PTPA: variants seen among roughly 807,000 people sequenced by gnomAD.
The protein encoded by PTPA is serine/threonine-protein phosphatase 2A activator.
Under a neutral mutation model 43.6 loss-of-function variants are expected in PTPA, and 13 were observed. That is an observed-to-expected ratio of 0.30 (90% CI 0.19 to 0.47). The LOEUF is 0.47. Among genes scored for constraint, PTPA ranks in the 20% least tolerant of loss-of-function variants. The pLI, the probability that PTPA is intolerant of heterozygous loss-of-function variation, is 0.99. For synonymous variants in PTPA, 172 were observed against 158.2 expected, an observed-to-expected ratio of 1.09 and a Z score of -0.66; for missense variants, 329 against 411.9, an observed-to-expected ratio of 0.80 and a Z score of 1.74.
At chr9:129,112,104 C>G (rs1410036418) in intron 1 of PTPA, among the ~76,000 whole-genome samples, 1 of 152,160 alleles carries the variant, frequency 6.6e-6, no homozygotes, top group Non-Finnish European at 1.5e-5. Context: ...CCGCGTCCTG[C>G]TCACCCCTCA....
In PTPA at chr9:129,142,481, C is replaced by T. The variant is rs1211530963; in HGVS notation, c.823C>T (p.Leu275=). 3 of 1,607,356 alleles carry T rather than the reference C, an allele frequency of 1.9e-6. No individual in the cohort carries two copies. The highest frequency in any genetic ancestry group is 1.3e-5 in the African/African-American group (1 of 74,872). The change falls in exon 9 of 10, where the codon CTG becomes TTG. Residue 275 remains leucine (L), a synonymous_variant. Coordinates refer to ENST00000393370, the MANE Select transcript of PTPA (RefSeq NM_178000.3). The part of the protein sequence containing the change: ...TGPFAEHSNQ[L]WNISAVPSWS... ...CCCATTTGCAGAGCACTCCAACCAG[C>T]TGTGGAACATCAGCGCCGTCCCTTC...
chr9:129,111,174 G>A, upstream of PTPA: 2 of 1,152,104 alleles, frequency 1.7e-6, no homozygotes, highest in Non-Finnish European at 1.2e-6. Flanking sequence ...AAGATGACAG[G>A]TGGTACTCCG....
At chr9:129,129,581 T>C (rs1443671924) in intron 4 of PTPA, among the ~76,000 whole-genome samples, 2 of 152,072 alleles carry the variant, frequency 1.3e-5, no homozygotes, top group African/African-American at 4.8e-5. Flanking sequence ...GCCATTCTCC[T>C]GCCTCAGCCT....
intron 8 of PTPA, 172 bp from the exon 9 acceptor site, chr9:129,142,273 G>T (rs891870053): frequency 7.6e-6 from 4 of 526,670 alleles, no homozygotes; most frequent in African/African-American, 5.8e-5. Flanking sequence ...TTGTATGTTT[G>T]CCCCTCAGGC....
chr9:129,111,486 C>G lies in PTPA; in HGVS notation c.-115C>G, dbSNP rs917245457. On this transcript the variant is annotated 5_prime_UTR_variant, in exon 1 of 10. Transcript: ENST00000393370. ...TTCGGTTATAGCCGGCCGGCGCTCACTTGTCTTCAGGAAGCTCGGAGCCTT... is the reference window on the plus strand; with the variant it reads ...TTCGGTTATAGCCGGCCGGCGCTCAGTTGTCTTCAGGAAGCTCGGAGCCTT... 1 of 1,264,472 alleles carries G rather than the reference C, an allele frequency of 7.9e-7. No homozygotes were observed. The highest frequency in any genetic ancestry group is 1.5e-5 in the African/African-American group (1 of 64,658). The allele number at this position is 1,264,472 out of a possible 1,614,324, so 78.3% of individuals were successfully genotyped here.
intron 8 of PTPA, chr9:129,137,901 G>A (rs2297112): frequency 0.66 from 383,879 of 581,910 alleles, 130,529 homozygotes; most frequent in Non-Finnish European, 0.7. Context: ...TTCTCCTTCA[G>A]TTTCTCCTGA....
chr9:129,133,665 C>T (rs1850141380), intron 5 of PTPA, among the ~76,000 whole-genome samples: 1 of 152,160 alleles, frequency 6.6e-6, no homozygotes, highest in Non-Finnish European at 1.5e-5. Context: ...ACTTTTTCAC[C>T]CTGTAATCTG....
At chr9:129,120,040 C>T (rs982297647) in intron 1 of PTPA, among the ~76,000 whole-genome samples, 6 of 152,138 alleles carry the variant, frequency 3.9e-5, no homozygotes, top group South Asian at 2.1e-4. Flanking sequence ...GGTGGATCAC[C>T]TGAGGTCAGG....
In PTPA at chr9:129,129,079, C is replaced by T. The variant is rs1431748654; in HGVS notation, c.311C>T (p.Ala104Val). Reference sequence around the variant, plus strand: ...CAGCCCTCTCGGTTTGGGAATAAGGCATACAGGACCTGGTATGCCAAACTT... The same window carrying T: ...CAGCCCTCTCGGTTTGGGAATAAGGTATACAGGACCTGGTATGCCAAACTT... The part of the protein sequence containing the change: ...VDQPSRFGNK[A>V]YRTWYAKLDE... The change falls in exon 4 of 10, where the codon GCA becomes GTA. Residue 104 changes from alanine (A) to valine (V), a missense_variant. Coordinates refer to ENST00000393370, the MANE Select transcript of PTPA (RefSeq NM_178000.3). 6.2e-7 allele frequency: 1 copy of T among 1,612,508 alleles called. No individual in the cohort carries two copies. Among genetic ancestry groups the T allele is most frequent in the South Asian group, 1.1e-5 (1 of 91,002 alleles).
At chr9:129,137,778 A>G (rs950360425) in intron 8 of PTPA, 86 bp downstream of exon 8, 1 of 1,268,496 alleles carries the variant, frequency 7.9e-7, no homozygotes. Flanking sequence ...GGATCAGAAG[A>G]GCCAGAGCTG....
chr9:129,137,040 C>T (rs1850417682), intron 7 of PTPA, among the ~76,000 whole-genome samples: 1 of 152,230 alleles, frequency 6.6e-6, no homozygotes, highest in Admixed American at 6.5e-5. Flanking sequence ...GGGTGGTGGG[C>T]CTGCTTCCTG....
intron 6 of PTPA, among the ~76,000 whole-genome samples, 155 bp from the exon 7 acceptor site, chr9:129,136,316 G>GT (rs1554733534): frequency 2.0e-5 from 3 of 152,174 alleles, no homozygotes; most frequent in Non-Finnish European, 4.4e-5. Flanking sequence ...ATGGCTGAGT[G>GT]TTTGTTGGGG....
intron 1 of PTPA, among the ~76,000 whole-genome samples, chr9:129,113,342 G>A (rs1588478169): frequency 6.6e-6 from 1 of 150,922 alleles, no homozygotes; most frequent in South Asian, 2.1e-4. Flanking sequence ...CTCCTGCCTC[G>A]GCCTTCCAAA....
In PTPA at chr9:129,120,710, C is replaced by T. The variant is rs555785702; in HGVS notation, c.129+100C>T. On this transcript the variant is annotated intron_variant, in intron 2 of 9. Transcript: ENST00000393370. ...TTCCTGGCCCTTCTTGCTCTTGGAGCCTGACTTTTCAGAAGCTAGGGAGAA... is the reference window on the plus strand; with the variant it reads ...TTCCTGGCCCTTCTTGCTCTTGGAGTCTGACTTTTCAGAAGCTAGGGAGAA... The T allele has an allele frequency of 1.3e-5, 13 of 1,023,454 alleles. No homozygotes were observed. In the East Asian group the frequency reaches 2.5e-4, roughly 20 times the overall value. 63.4% of individuals were successfully genotyped at this position (1,023,454 alleles called of 1,614,324 possible).
chr9:129,135,758 C>G (rs1378630606), intron 6 of PTPA, among the ~76,000 whole-genome samples: 1 of 152,160 alleles, frequency 6.6e-6, no homozygotes, highest in African/African-American at 2.4e-5. Context: ...GAGCAGTGCT[C>G]GATGCTTCAC....
At chr9:129,146,655 G>A (rs1456983213) in intron 9 of PTPA, among the ~76,000 whole-genome samples, 2 of 152,228 alleles carry the variant, frequency 1.3e-5, no homozygotes, top group Non-Finnish European at 2.9e-5. Context: ...GCAGGCATGG[G>A]GGTGCTGTTG....
At chr9:129,119,343 T>G (rs1393394128) in intron 1 of PTPA, among the ~76,000 whole-genome samples, 1 of 151,834 alleles carries the variant, frequency 6.6e-6, no homozygotes, top group African/African-American at 2.4e-5. Flanking sequence ...AAATCACATA[T>G]AATTTACGTG....
Position 129,142,472 on chromosome 9 carries a change from T to G in PTPA, c.814T>G (p.Ser272Ala). The change falls in exon 9 of 10, where the codon TCC becomes GCC. Residue 272 changes from serine to alanine, a missense_variant. Coordinates refer to ENST00000393370, the MANE Select transcript of PTPA (RefSeq NM_178000.3). ...GAAGACTGGCCCATTTGCAGAGCAC[T>G]CCAACCAGCTGTGGAACATCAGCGC... ...EMKTGPFAEH[S>A]NQLWNISAVP... 1 of 1,602,546 alleles carries G rather than the reference T, an allele frequency of 6.2e-7. No homozygotes were observed. Among genetic ancestry groups the G allele is most frequent in the Non-Finnish European group, 8.5e-7 (1 of 1,171,506 alleles).
chr9:129,135,566 G>A (rs1379758015), intron 6 of PTPA, among the ~76,000 whole-genome samples: 4 of 152,134 alleles, frequency 2.6e-5, no homozygotes, highest in East Asian at 1.9e-4. Flanking sequence ...AGAGATATCC[G>A]GTGTCTTCAC....
Sources: gnomAD v4.1 joint callset for allele counts (sites outside exome capture counted in the v4.1 genomes callset) on GRCh38, gnomAD v4.1.1 for gene constraint, MANE v1.5 for transcripts, NCBI Gene and HGNC (gene_info 2026-07-23, HGNC 2026-07-21) for gene names.